COL11A1: variants seen among roughly 807,000 people sequenced by gnomAD.
COL11A1 encodes collagen alpha-1(XI) chain.
In COL11A1, 74 loss-of-function variants were observed where a neutral mutation model predicts 265.2. The observed-to-expected ratio is 0.28, with a 90% CI of 0.23 to 0.34. The LOEUF is 0.34. COL11A1 is among the 10% of genes least tolerant of loss of function. The probability of loss-of-function intolerance (pLI) is 1.00; values close to 1 mark genes in which losing one functional copy is unlikely to be tolerated. For missense variants in COL11A1, 2,165 were observed against 2,263.6 expected (o/e 0.96, Z 0.88); for synonymous variants, 816 against 727.6 (o/e 1.12, Z -1.96).
intron 4 of COL11A1, among the ~76,000 whole-genome samples, chr1:103,069,824 G>A (rs1213005125): frequency 6.6e-6 from 1 of 151,724 alleles, no homozygotes; most frequent in Non-Finnish European, 1.5e-5. Context: ...ATCAGTCAAG[G>A]GAGAAGCGTA....
chr1:102,926,187 A>G (rs954214697), intron 46 of COL11A1, among the ~76,000 whole-genome samples: 2 of 152,144 alleles, frequency 1.3e-5, no homozygotes, highest in African/African-American at 4.8e-5. Flanking sequence ...GTTGCATGGA[A>G]CTAAACACTC....
chr1:103,033,675 A>G (rs2102008762), intron 4 of COL11A1, among the ~76,000 whole-genome samples: 1 of 152,278 alleles, frequency 6.6e-6, no homozygotes, highest in African/African-American at 2.4e-5. Context: ...CCTTTCCCAG[A>G]TAACTGTACC....
chr1:102,877,798 CCT>C lies in COL11A1; in HGVS notation c.*219_*220del. 2 of 471,432 alleles carry C rather than the reference CCT, an allele frequency of 4.2e-6. No homozygotes were observed. Among genetic ancestry groups the C allele is most frequent in the Non-Finnish European group, 7.6e-6 (2 of 261,894 alleles). The allele number at this position is 471,432 out of a possible 1,614,324, so 29.2% of individuals were successfully genotyped here. On this transcript the variant is annotated 3_prime_UTR_variant, in exon 67 of 67. Transcript: ENST00000370096. Reference sequence around the variant, plus strand: ...TGAGAATTGGGAATCAAGAATCAGCCCTGTTTCCATCTTAGCCACACCAACTT... The same window carrying C: ...TGAGAATTGGGAATCAAGAATCAGCCGTTTCCATCTTAGCCACACCAACTT...
At chr1:102,969,017 T>C (rs1342449621) in intron 37 of COL11A1, among the ~76,000 whole-genome samples, 1 of 152,226 alleles carries the variant, frequency 6.6e-6, no homozygotes, top group Non-Finnish European at 1.5e-5. Context: ...ATTTGAATGA[T>C]AATGCATTTG....
intron 52 of COL11A1, 70 bp downstream of exon 52, chr1:102,914,281 TC>T: frequency 8.2e-7 from 1 of 1,221,954 alleles, no homozygotes; most frequent in South Asian, 1.3e-5. Flanking sequence ...GATTTTTTTT[TC>T]TTTATTAACA....
intron 66 of COL11A1, among the ~76,000 whole-genome samples, chr1:102,878,797 C>A (rs1649868518): frequency 6.6e-6 from 1 of 151,792 alleles, no homozygotes; most frequent in Non-Finnish European, 1.5e-5. Context: ...GGGTAAGACA[C>A]CACACCCAGC....
intron 7 of COL11A1, among the ~76,000 whole-genome samples, chr1:103,024,771 T>C (rs918609578): frequency 6.6e-6 from 1 of 152,160 alleles, no homozygotes; most frequent in African/African-American, 2.4e-5. Flanking sequence ...ATTTGCCTAA[T>C]TGAGAGACAT....
rs549619136 is a variant in COL11A1 at position 103,066,747 on chromosome 1, T to C, written c.651+7871A>G. Among the ~76,000 whole-genome samples, 63 of 151,918 alleles carry C rather than the reference T, an allele frequency of 4.1e-4. 1 individual carries two copies. Among genetic ancestry groups the C allele is most frequent in the African/African-American group, 1.4e-3 (59 of 41,482 alleles). On this transcript the variant is annotated intron_variant, in intron 4 of 66. Transcript: ENST00000370096. ...ATGACACCAATTAAAAGGCAGAAAT[T>C]TATAGAGGGGATAAAAAAAGGCCCC...
At chr1:103,014,210 A>G (rs567032819) in intron 13 of COL11A1, among the ~76,000 whole-genome samples, 1 of 152,188 alleles carries the variant, frequency 6.6e-6, no homozygotes, top group African/African-American at 2.4e-5. Context: ...AAGGTGCACT[A>G]GGTGTAAATA....
At chr1:102,967,301 C>A (rs1361380756) in intron 37 of COL11A1, among the ~76,000 whole-genome samples, 2 of 115,908 alleles carry the variant, frequency 1.7e-5, no homozygotes, top group East Asian at 6.2e-4. Flanking sequence ...AGTGCAGTGG[C>A]GCGATCTCGG....
At chr1:102,955,800 C>A (rs1660316244) in intron 41 of COL11A1, among the ~76,000 whole-genome samples, 1 of 152,124 alleles carries the variant, frequency 6.6e-6, no homozygotes, top group Non-Finnish European at 1.5e-5. Context: ...AGTTTATATT[C>A]ATCATGCAGA....
intron 4 of COL11A1, among the ~76,000 whole-genome samples, chr1:103,042,987 GAT>G (rs71672033): frequency 4.4e-3 from 566 of 129,200 alleles, no homozygotes; most frequent in Non-Finnish European, 5.2e-3. Flanking sequence ...AAATATATAT[GAT>G]ATATATTAAA....
At chr1:103,076,158 T>C (rs951198636) in intron 3 of COL11A1, among the ~76,000 whole-genome samples, 1 of 152,144 alleles carries the variant, frequency 6.6e-6, no homozygotes, top group Non-Finnish European at 1.5e-5. Context: ...AAATACCAAA[T>C]TAACATTTAG....
At chr1:102,894,182 T>C (rs1231472390) in intron 57 of COL11A1, among the ~76,000 whole-genome samples, 2 of 152,180 alleles carry the variant, frequency 1.3e-5, no homozygotes, top group South Asian at 4.1e-4. Context: ...GACTAAATCA[T>C]TTTAATTTTG....
Position 102,889,486 on chromosome 1 carries a change from G to A in COL11A1, c.4433C>T (p.Thr1478Ile). ...CCCTTTTGCTCCTGGAGATCCTTGA[G>A]TTCCAGGGAGCCCTCGGTCACCTTT... ...GEKGDRGLPG[T>I]QGSPGAKGDG... Residue 1478 changes from threonine to isoleucine, a missense_variant, in exon 59 of 67, where the codon ACT (threonine) becomes ATT (isoleucine). Transcript: ENST00000370096. 1 of 1,613,194 alleles carries A rather than the reference G, an allele frequency of 6.2e-7. No homozygotes were observed. The highest frequency in any genetic ancestry group is 8.5e-7 in the Non-Finnish European group (1 of 1,179,710).
intron 42 of COL11A1, among the ~76,000 whole-genome samples, 192 bp from the exon 43 acceptor site, chr1:102,940,626 C>T (rs1334168962): frequency 6.6e-6 from 1 of 152,074 alleles, no homozygotes; most frequent in Non-Finnish European, 1.5e-5. Flanking sequence ...ACTTATAAAT[C>T]TTAGGCTATG....
At chr1:102,895,994 C>A (rs1466020727) in intron 57 of COL11A1, among the ~76,000 whole-genome samples, 1 of 151,738 alleles carries the variant, frequency 6.6e-6, no homozygotes. Flanking sequence ...TGGTTTTCAA[C>A]ATATTTATCA....
chr1:103,028,149 G>A (rs536249179), intron 5 of COL11A1, among the ~76,000 whole-genome samples: 5 of 152,174 alleles, frequency 3.3e-5, no homozygotes, highest in African/African-American at 1.2e-4. Flanking sequence ...TCTTGCTTCA[G>A]CCTCCTGAGT....
intron 4 of COL11A1, among the ~76,000 whole-genome samples, 186 bp downstream of exon 4, chr1:103,074,432 T>G (rs532335498): frequency 6.6e-4 from 100 of 152,252 alleles, no homozygotes; most frequent in African/African-American, 2.2e-3. Context: ...GTCACCATTG[T>G]CTGGTCATTC....
Sources: gnomAD v4.1 joint callset for allele counts (sites outside exome capture counted in the v4.1 genomes callset) on GRCh38, gnomAD v4.1.1 for gene constraint, MANE v1.5 for transcripts, NCBI Gene and HGNC (gene_info 2026-07-23, HGNC 2026-07-21) for gene names.